Variants in PROS1 observed in about 807,000 individuals in gnomAD.
PROS1 encodes the protein vitamin K-dependent protein S.
In PROS1, 29 loss-of-function variants were observed where a neutral mutation model predicts 75.9. That is an observed-to-expected ratio of 0.38 (90% CI 0.28 to 0.52). PROS1 has a LOEUF of 0.52. Ranked by LOEUF, PROS1 falls within the 20% of genes least tolerant of loss-of-function variation. PROS1 has a pLI of 0.83. For missense variants in PROS1, 680 were observed against 810.3 expected (o/e 0.84, Z 1.95); for synonymous variants, 245 against 280.6 (o/e 0.87, Z 1.27).
chr3:93,931,664 G>A (rs6803590), intron 1 of PROS1, among the ~76,000 whole-genome samples: 120,171 of 152,092 alleles, frequency 0.79, 47,650 homozygotes, highest in Non-Finnish European at 0.82. Context: ...GGCCCAATCG[G>A]ACAGCTACTA....
intron 3 of PROS1, among the ~76,000 whole-genome samples, chr3:93,923,593 C>T (rs1708974297): frequency 6.6e-6 from 1 of 152,140 alleles, no homozygotes; most frequent in Admixed American, 6.5e-5. Context: ...CCATATCCCA[C>T]TGCCCTTTTA....
chr3:93,941,849 C>G (rs1189403074), intron 1 of PROS1, among the ~76,000 whole-genome samples: 2 of 152,166 alleles, frequency 1.3e-5, no homozygotes, highest in African/African-American at 4.8e-5. Flanking sequence ...CTACAATTCT[C>G]ATAACTTCCA....
At chr3:93,973,163 G>A (rs1443898008) in intron 1 of PROS1, among the ~76,000 whole-genome samples, 1 of 152,130 alleles carries the variant, frequency 6.6e-6, no homozygotes, top group Non-Finnish European at 1.5e-5. Context: ...TATATCTACT[G>A]CTATACAAAC....
At chr3:93,927,166 A>T in intron 2 of PROS1, 84 bp downstream of exon 2, 2 of 1,539,066 alleles carry the variant, frequency 1.3e-6, no homozygotes, top group Non-Finnish European at 1.8e-6. Flanking sequence ...TTAAGATGGA[A>T]CAGAAGGAAG....
chr3:93,912,046 C>T (rs1576190394), intron 3 of PROS1, among the ~76,000 whole-genome samples: 2 of 152,162 alleles, frequency 1.3e-5, no homozygotes, highest in Admixed American at 6.5e-5. Context: ...TGACAAATTA[C>T]CACAAATTTA....
At chr3:93,888,508 A>G (rs1708383623) in intron 10 of PROS1, among the ~76,000 whole-genome samples, 1 of 152,210 alleles carries the variant, frequency 6.6e-6, no homozygotes, top group Non-Finnish European at 1.5e-5. Flanking sequence ...ACATTTCATT[A>G]TAGAATAGTA....
intron 3 of PROS1, among the ~76,000 whole-genome samples, chr3:93,915,034 GCT>G (rs2107184414): frequency 6.6e-6 from 1 of 152,288 alleles, no homozygotes; most frequent in South Asian, 2.1e-4. Flanking sequence ...CCCTTGGTTT[GCT>G]CTCCTAAAGA....
rs561208095 is a variant in PROS1 at position 93,879,759 on chromosome 3, A to G, written c.1493-445T>C. Among the ~76,000 whole-genome samples, 18 of 152,362 alleles carry G rather than the reference A, an allele frequency of 1.2e-4. No individual in the cohort carries two copies. The East Asian group carries it at 3.5e-3, about 29-fold the overall frequency. On this transcript the variant is annotated intron_variant, in intron 12 of 14. Transcript: ENST00000394236. ...CAAAGGATAAATATGATCTATATAC[A>G]TAGGAGAGTTGGATAGTTCGATACT... is the stretch of plus-strand genomic sequence containing the variant.
chr3:93,928,054 G>T (rs1234066521), intron 1 of PROS1, among the ~76,000 whole-genome samples: 1 of 112,960 alleles, frequency 8.9e-6, no homozygotes, highest in Non-Finnish European at 1.7e-5. Context: ...TCGCTCTGTC[G>T]CCCAGGCTGG....
At chr3:93,939,669 C>A (rs978077396) in intron 1 of PROS1, among the ~76,000 whole-genome samples, 3 of 152,118 alleles carry the variant, frequency 2.0e-5, no homozygotes, top group Non-Finnish European at 4.4e-5. Context: ...TCTCCCAAAG[C>A]AGTTAGTGTT....
chr3:93,959,391 T>C (rs1709664486), intron 1 of PROS1, among the ~76,000 whole-genome samples: 1 of 152,146 alleles, frequency 6.6e-6, no homozygotes, highest in Non-Finnish European at 1.5e-5. Flanking sequence ...TAAAAGTCTT[T>C]ACCCACCTCA....
Position 93,913,713 on chromosome 3 carries a change from G to C in PROS1, c.260-3008C>G, listed in dbSNP as rs376495972. Among the ~76,000 whole-genome samples the C allele has an allele frequency of 6.1e-4, 93 of 152,170 alleles. 1 individual carries two copies. In the South Asian group the frequency reaches 0.019, roughly 31 times the overall value. On this transcript the variant is annotated intron_variant, in intron 3 of 14. Transcript: ENST00000394236. ...CAGTCTTGGGTATGTCTTTATAATA[G>C]AGTGAAAACAGACTAATATAAGCCC...
intron 1 of PROS1, among the ~76,000 whole-genome samples, chr3:93,941,711 G>T (rs1433084076): frequency 6.6e-6 from 1 of 152,142 alleles, no homozygotes; most frequent in Non-Finnish European, 1.5e-5. Context: ...ACCACACCTT[G>T]TAGCCTTTTT....
chr3:93,948,656 A>G (rs1709443738), intron 1 of PROS1, among the ~76,000 whole-genome samples: 1 of 152,264 alleles, frequency 6.6e-6, no homozygotes, highest in African/African-American at 2.4e-5. Context: ...AATAAACAAT[A>G]ATGTTTAGAA....
chr3:93,945,459 C>T (rs148418449), intron 1 of PROS1, among the ~76,000 whole-genome samples: 54 of 152,250 alleles, frequency 3.5e-4, no homozygotes, highest in African/African-American at 1.1e-3. Flanking sequence ...AAGCTATCCA[C>T]CATGATCAAG....
chr3:93,925,216 A>G (rs1366992897), intron 2 of PROS1, among the ~76,000 whole-genome samples: 1 of 152,208 alleles, frequency 6.6e-6, no homozygotes. Flanking sequence ...TAACAGCACA[A>G]GAATACCTCA....
At position 93,898,659 on chromosome 3, in the gene PROS1, T is replaced by C. The variant is rs377319866; in HGVS notation, c.728-90A>G. On this transcript the variant is annotated intron_variant, in intron 7 of 14. Coordinates refer to ENST00000394236, the MANE Select transcript of PROS1 (RefSeq NM_000313.4). ...GAGGAATATTATGATTGTAGTATGA[T>C]ATAATCAATGATAATCGAACCTTAG... 7.5e-6 allele frequency: 11 copies of C among 1,466,318 alleles called. No individual in the cohort carries two copies. The Admixed American group carries it at 1.9e-4, about 25-fold the overall frequency. The allele number at this position is 1,466,318 out of a possible 1,614,324, so 90.8% of individuals were successfully genotyped here. A position where few individuals can be genotyped will look rare whatever the true frequency, so the allele number is the denominator to read the frequency against.
At chr3:93,889,829 T>C (rs1576178537) in intron 10 of PROS1, among the ~76,000 whole-genome samples, 2 of 152,316 alleles carry the variant, frequency 1.3e-5, no homozygotes, top group South Asian at 4.1e-4. Flanking sequence ...AAATTGATTG[T>C]AAAACATGTG....
intron 10 of PROS1, among the ~76,000 whole-genome samples, chr3:93,890,106 G>A (rs930603979): frequency 6.6e-6 from 1 of 152,120 alleles, no homozygotes; most frequent in African/African-American, 2.4e-5. Context: ...CGCTCTGGCA[G>A]TGTCTGTCTT....
Sources: allele counts gnomAD v4.1 joint callset (sites outside exome capture counted in the v4.1 genomes callset), GRCh38; gene constraint gnomAD v4.1.1; transcripts MANE v1.5; gene names NCBI Gene and HGNC (gene_info 2026-07-23, HGNC 2026-07-21).